NFIA: variants seen among roughly 807,000 people sequenced by gnomAD.
NFIA encodes nuclear factor 1 A-type.
In NFIA, 8 loss-of-function variants were observed where a neutral mutation model predicts 62.8. The ratio of observed to expected loss-of-function variants is 0.13; its 90% CI spans 0.07 to 0.23. The LOEUF (loss-of-function observed/expected upper bound fraction) is 0.23, where lower values mean the gene tolerates loss of function less well. Among genes scored for constraint, NFIA ranks in the 10% least tolerant of loss-of-function variants. The pLI, the probability that NFIA is intolerant of heterozygous loss-of-function variation, is 1.00. For synonymous variants in NFIA, 235 were observed against 238.1 expected (o/e 0.99, Z 0.12); for missense variants, 410 against 642.1 (o/e 0.64, Z 3.91).
chr1:61,381,802 T>A (rs1310522285), intron 6 of NFIA, among the ~76,000 whole-genome samples: 1 of 152,228 alleles, frequency 6.6e-6, no homozygotes, highest in South Asian at 2.1e-4. Flanking sequence ...CCTTATACAG[T>A]CTGAGTCACA....
intron 7 of NFIA, among the ~76,000 whole-genome samples, chr1:61,399,937 A>G (rs1013819157): frequency 1.3e-5 from 2 of 152,256 alleles, no homozygotes; most frequent in African/African-American, 2.4e-5. Flanking sequence ...TCTCAGTCTT[A>G]ATAAATTCTG....
chr1:61,399,042 A>T (rs1179461293), intron 7 of NFIA, among the ~76,000 whole-genome samples: 1 of 152,054 alleles, frequency 6.6e-6, no homozygotes, highest in Non-Finnish European at 1.5e-5. Context: ...CGTATTACAA[A>T]TTTTTACTTC....
intron 2 of NFIA, among the ~76,000 whole-genome samples, chr1:61,118,583 T>A (rs773277517): frequency 1.3e-5 from 2 of 152,060 alleles, no homozygotes; most frequent in South Asian, 4.2e-4. Context: ...TAGATGGGAA[T>A]GTGAAGGATG....
intron 3 of NFIA, among the ~76,000 whole-genome samples, chr1:61,282,422 C>T (rs1332418430): frequency 6.6e-6 from 1 of 152,210 alleles, no homozygotes; most frequent in East Asian, 1.9e-4. Flanking sequence ...ACTCCCATGA[C>T]ATACTTTGGT....
At chr1:61,174,390 T>C (rs1214207227) in intron 2 of NFIA, among the ~76,000 whole-genome samples, 1 of 152,226 alleles carries the variant, frequency 6.6e-6, no homozygotes, top group Non-Finnish European at 1.5e-5. Context: ...TTCTTTTGCT[T>C]TCCATGTGGT....
At chr1:61,283,187 A>G (rs1658243618) in intron 3 of NFIA, among the ~76,000 whole-genome samples, 1 of 152,166 alleles carries the variant, frequency 6.6e-6, no homozygotes, top group African/African-American at 2.4e-5. Flanking sequence ...TTCATCCGTA[A>G]TTGTTGCTAT....
At chr1:61,343,324 C>T (rs114844716) in intron 4 of NFIA, among the ~76,000 whole-genome samples, 95 of 152,230 alleles carry the variant, frequency 6.2e-4, no homozygotes, top group African/African-American at 2.1e-3. Context: ...GAAAATGTAT[C>T]GGTTAATTTT....
chr1:61,146,516 A>G (rs1333326704), intron 2 of NFIA, among the ~76,000 whole-genome samples: 1 of 152,196 alleles, frequency 6.6e-6, no homozygotes. Context: ...TATGTGCACA[A>G]CTACCTAAAA....
intron 3 of NFIA, among the ~76,000 whole-genome samples, chr1:61,303,072 C>G (rs988413298): frequency 2.0e-5 from 3 of 152,114 alleles, no homozygotes; most frequent in African/African-American, 7.2e-5. Flanking sequence ...GTCACAATTG[C>G]TACTGTTAAT....
Position 61,177,098 on chromosome 1 carries a change from T to A in NFIA, c.559+88418T>A, listed in dbSNP as rs1413546462. On this transcript the variant is annotated intron_variant, in intron 2 of 10. Coordinates refer to ENST00000403491, the MANE Select transcript of NFIA (RefSeq NM_001134673.4). The stretch of plus-strand genomic sequence containing the variant: ...TCCAGCCTGGGCGACAGAGCGAGAC[T>A]CTGTCTCAACCAAAAAAAAAAAAGA... Among the ~76,000 whole-genome samples the A allele has an allele frequency of 8.2e-4, 117 of 142,466 alleles. 2 individuals carry two copies. Among genetic ancestry groups the A allele is most frequent in the Non-Finnish European group, 7.4e-5 (5 of 67,822 alleles). The allele number at this position is 142,466 out of a possible 152,430, so 93.5% of individuals were successfully genotyped here.
At chr1:61,233,408 G>A (rs1161265493) in intron 2 of NFIA, among the ~76,000 whole-genome samples, 1 of 152,200 alleles carries the variant, frequency 6.6e-6, no homozygotes, top group Non-Finnish European at 1.5e-5. Flanking sequence ...ACGGGAGAAA[G>A]TTCCGTAAGT....
At chr1:61,239,984 A>G (rs1034550591) in intron 2 of NFIA, among the ~76,000 whole-genome samples, 1 of 152,110 alleles carries the variant, frequency 6.6e-6, no homozygotes, top group African/African-American at 2.4e-5. Flanking sequence ...ATTCCAAACT[A>G]TTCTAGCATG....
chr1:61,082,421 G>A (rs1020977133), upstream of NFIA: 82 of 991,630 alleles, frequency 8.3e-5, no homozygotes, highest in Non-Finnish European at 9.6e-5. Flanking sequence ...GCGGTGCGGT[G>A]CAGAGCGGAG....
At chr1:61,443,502 G>A (rs896803046) in intron 10 of NFIA, among the ~76,000 whole-genome samples, 7 of 152,058 alleles carry the variant, frequency 4.6e-5, no homozygotes, top group South Asian at 2.1e-4. Flanking sequence ...TTTATCTGAC[G>A]CATCACATGT....
intron 4 of NFIA, among the ~76,000 whole-genome samples, chr1:61,340,849 CCT>C: frequency 6.6e-6 from 1 of 152,130 alleles, no homozygotes; most frequent in South Asian, 2.1e-4. Flanking sequence ...AGACCTCATT[CCT>C]CTGTTTTGAG....
intron 9 of NFIA, among the ~76,000 whole-genome samples, chr1:61,421,256 T>C (rs561258975): frequency 9.2e-5 from 14 of 152,338 alleles, no homozygotes; most frequent in South Asian, 4.1e-4. Context: ...TGTAACATGT[T>C]GGGGATAGCA....
chr1:61,169,130 A>G (rs560377129), intron 2 of NFIA, among the ~76,000 whole-genome samples: 31 of 152,308 alleles, frequency 2.0e-4, no homozygotes, highest in African/African-American at 7.2e-4. Flanking sequence ...CCCTAAAGGA[A>G]AAAAAGTCAT....
intron 2 of NFIA, among the ~76,000 whole-genome samples, chr1:61,177,120 AAGAG>A (rs1233256683): frequency 6.6e-6 from 1 of 152,064 alleles, no homozygotes. Flanking sequence ...AAAAAAAAAA[AAGAG>A]AGAGATACTT....
At chr1:61,418,918 T>C (rs1191764544) in intron 9 of NFIA, among the ~76,000 whole-genome samples, 2 of 152,210 alleles carry the variant, frequency 1.3e-5, no homozygotes, top group African/African-American at 4.8e-5. Context: ...CAGGGTTTAT[T>C]CCCTGTGGCT....
Sources: allele counts gnomAD v4.1 joint callset (sites outside exome capture counted in the v4.1 genomes callset), GRCh38; gene constraint gnomAD v4.1.1; transcripts MANE v1.5; gene names NCBI Gene and HGNC (gene_info 2026-07-23, HGNC 2026-07-21).